The following LTBP1 variants were observed in gnomAD, a reference collection of about 807,000 sequenced individuals.
LTBP1 encodes the protein latent transforming growth factor beta binding protein 1.
Under a neutral mutation model 207.6 loss-of-function variants are expected in LTBP1, and 129 were observed. That is an observed-to-expected ratio of 0.62 (90% confidence interval 0.54 to 0.72). LTBP1 has a LOEUF of 0.72. LTBP1 is among the 30% of genes least tolerant of loss of function. The pLI is 0.00. For missense variants in LTBP1, 2,281 were observed against 2,217.2 expected (o/e 1.03, Z -0.58); for synonymous variants, 963 against 833.7 (o/e 1.16, Z -2.67).
chr2:33,349,484 A>G (rs2094750703), intron 26 of LTBP1, among the ~76,000 whole-genome samples: 1 of 152,050 alleles, frequency 6.6e-6, no homozygotes, highest in Non-Finnish European at 1.5e-5. Context: ...ATCTTTGAAG[A>G]GAAAGGCTGT....
intron 13 of LTBP1, among the ~76,000 whole-genome samples, chr2:33,259,874 G>A (rs1183129199): frequency 6.6e-6 from 1 of 152,142 alleles, no homozygotes; most frequent in African/African-American, 2.4e-5. Flanking sequence ...CTCGTGAGAA[G>A]AAAATGGGAA....
chr2:33,357,163 A>T (rs2094873026), intron 26 of LTBP1, among the ~76,000 whole-genome samples: 1 of 152,196 alleles, frequency 6.6e-6, no homozygotes, highest in African/African-American at 2.4e-5. Context: ...AACACTAAAG[A>T]TGGAAACGGC....
At chr2:33,214,478 T>C (rs4671016) in intron 7 of LTBP1, among the ~76,000 whole-genome samples, 82,205 of 151,988 alleles carry the variant, frequency 0.54, 22,334 homozygotes, top group Middle Eastern at 0.63. Context: ...GTTTGTTTCG[T>C]CATCTCTGTG....
At chr2:33,185,996 A>G (rs891776865) in intron 5 of LTBP1, among the ~76,000 whole-genome samples, 5 of 152,202 alleles carry the variant, frequency 3.3e-5, no homozygotes, top group Non-Finnish European at 7.3e-5. Flanking sequence ...ATAAGCTAAA[A>G]TAGCCAGAGT....
chr2:33,026,129 T>G (rs1235333388), intron 3 of LTBP1, among the ~76,000 whole-genome samples: 2 of 152,182 alleles, frequency 1.3e-5, no homozygotes, highest in African/African-American at 4.8e-5. Flanking sequence ...GTTGCAGTAC[T>G]GATAGTTATT....
rs1163062061 is a variant in LTBP1 at position 33,134,075 on chromosome 2, T to G, written c.1034-718T>G. On this transcript the variant is annotated intron_variant, in intron 4 of 33. Transcript: ENST00000404816. This position sits in a 1 kb window ranked among gnomAD's most constrained non-coding sequence, Gnocchi z 4.4. Reference sequence around the variant, plus strand: ...CAGTGAGAGCCCAAGGGTGTTATTTTTAGGGAGGCAACCATTTATCCCTGT... The same window carrying G: ...CAGTGAGAGCCCAAGGGTGTTATTTGTAGGGAGGCAACCATTTATCCCTGT... 6.6e-6 allele frequency among the ~76,000 whole-genome samples: 1 copy of G among 152,174 alleles called. No individual in the cohort carries two copies. The highest frequency in any genetic ancestry group is 2.4e-5 in the African/African-American group (1 of 41,436).
At chr2:33,238,762 G>C (rs1172518430) in intron 9 of LTBP1, among the ~76,000 whole-genome samples, 1 of 152,144 alleles carries the variant, frequency 6.6e-6, no homozygotes, top group East Asian at 1.9e-4. Context: ...AATTATTCTT[G>C]TACTGCTCAC....
intron 15 of LTBP1, 133 bp from the exon 16 acceptor site, chr2:33,273,523 C>A: frequency 3.4e-6 from 2 of 579,834 alleles, no homozygotes. Context: ...TCAGAGGTCA[C>A]CTTTGTCTTC....
intron 2 of LTBP1, among the ~76,000 whole-genome samples, chr2:33,019,916 G>A (rs957931849): frequency 4.3e-5 from 6 of 140,236 alleles, no homozygotes; most frequent in South Asian, 2.3e-4. Flanking sequence ...GTCTTACTAC[G>A]TTGCTGAGGC....
chr2:33,383,091 C>A (rs779304969), intron 31 of LTBP1, among the ~76,000 whole-genome samples: 13 of 152,240 alleles, frequency 8.5e-5, no homozygotes, highest in Non-Finnish European at 1.9e-4. Flanking sequence ...CGCAGTGGCT[C>A]ACGCCTGTAA....
At chr2:32,962,186 T>G (rs771950694) in intron 2 of LTBP1, among the ~76,000 whole-genome samples, 2 of 152,168 alleles carry the variant, frequency 1.3e-5, no homozygotes, top group African/African-American at 2.4e-5. Flanking sequence ...ATGTCTCTGG[T>G]ACACCTCCTA....
At chr2:33,217,143 A>G (rs1054408052) in intron 7 of LTBP1, among the ~76,000 whole-genome samples, 1 of 152,182 alleles carries the variant, frequency 6.6e-6, no homozygotes, top group African/African-American at 2.4e-5. Context: ...TTTTACACAC[A>G]TGCCATACCC....
intron 7 of LTBP1, among the ~76,000 whole-genome samples, chr2:33,210,972 C>T (rs141902173): frequency 3.9e-5 from 6 of 152,128 alleles, no homozygotes; most frequent in Non-Finnish European, 1.5e-5. Flanking sequence ...TTTTTTGAAA[C>T]CTGTATCACT....
At chr2:33,180,303 A>T (rs892286551) in intron 5 of LTBP1, among the ~76,000 whole-genome samples, 2 of 152,164 alleles carry the variant, frequency 1.3e-5, no homozygotes, top group African/African-American at 2.4e-5. Context: ...TTTCTTGGTC[A>T]TGTGTAGGAC....
At chr2:33,184,862 C>T (rs1355789698) in intron 5 of LTBP1, among the ~76,000 whole-genome samples, 2 of 151,282 alleles carry the variant, frequency 1.3e-5, no homozygotes, top group Non-Finnish European at 2.9e-5. Flanking sequence ...ACTTCCTGAC[C>T]TCACAGAGCT....
At position 33,293,300 on chromosome 2, in the gene LTBP1, G is replaced by A. The variant is rs1280816738; in HGVS notation, c.3235+18G>A. Reference sequence around the variant, plus strand: ...CTGTAGAGGTAAATACTGTGATCAAGTTTCCCATTTTTATTTAAACTTCAT... The same window carrying A: ...CTGTAGAGGTAAATACTGTGATCAAATTTCCCATTTTTATTTAAACTTCAT... On this transcript the variant is annotated intron_variant, in intron 20 of 33. Transcript: ENST00000404816. 3.2e-6 allele frequency: 5 copies of A among 1,576,526 alleles called. No individual in the cohort carries two copies. The highest frequency in any genetic ancestry group is 2.4e-5 in the South Asian group (2 of 83,808).
At chr2:33,299,248 A>G (rs1391918236) in intron 20 of LTBP1, among the ~76,000 whole-genome samples, 1 of 152,100 alleles carries the variant, frequency 6.6e-6, no homozygotes, top group African/African-American at 2.4e-5. Flanking sequence ...CTCAAAAAAA[A>G]AAAAAAAAGA....
intron 5 of LTBP1, among the ~76,000 whole-genome samples, chr2:33,147,206 A>G (rs1488734222): frequency 6.6e-6 from 1 of 152,156 alleles, no homozygotes; most frequent in Non-Finnish European, 1.5e-5. Context: ...AGAATTTCTC[A>G]GTGTGCTTTG....
At chr2:33,070,865 C>T (rs1279559711) in intron 3 of LTBP1, among the ~76,000 whole-genome samples, 3 of 152,184 alleles carry the variant, frequency 2.0e-5, no homozygotes, top group Non-Finnish European at 4.4e-5. Flanking sequence ...CAAAACTCCA[C>T]GTTGGCCACG....
Sources: gnomAD v4.1 joint callset for allele counts (sites outside exome capture counted in the v4.1 genomes callset) on GRCh38, gnomAD v4.1.1 for gene constraint, Gnocchi (gnomAD v3.1) non-coding constraint, MANE v1.5 for transcripts, NCBI Gene and HGNC (gene_info 2026-07-23, HGNC 2026-07-21) for gene names.